The following GC variants were observed in gnomAD, a reference collection of about 807,000 sequenced individuals.
The protein encoded by GC is GC vitamin D binding protein.
A neutral mutation model predicts 56.7 loss-of-function variants in GC; 43 were observed. The ratio of observed to expected loss-of-function variants is 0.76; its 90% CI spans 0.59 to 0.98. GC has a LOEUF of 0.98. GC is among the 50% of genes least tolerant of loss of function. The probability of loss-of-function intolerance (pLI) is 0.00; values close to 1 mark genes in which losing one functional copy is unlikely to be tolerated. For synonymous variants in GC, 216 were observed against 202.7 expected (o/e 1.07, Z -0.56); for missense variants, 529 against 545.9 (o/e 0.97, Z 0.31).
At chr4:71,794,561 G>A (rs1433932973) in intron 1 of GC, among the ~76,000 whole-genome samples, 1 of 151,670 alleles carries the variant, frequency 6.6e-6, no homozygotes, top group Non-Finnish European at 1.5e-5. Flanking sequence ...TTCTTTATTA[G>A]TCTAGCTAGT....
In GC at chr4:71,744,357, G is replaced by A. The variant is rs1271355062; in HGVS notation, c.*25+1794C>T. Among the ~76,000 whole-genome samples the A allele has an allele frequency of 3.3e-5, 5 of 150,046 alleles. No homozygotes were observed. In the East Asian group the frequency reaches 9.8e-4, roughly 29 times the overall value. The stretch of plus-strand genomic sequence containing the variant: ...GCCTGTAGCCCCAGCTCCTCGGGAG[G>A]CTGAGGCAGGAGAATGGCGTGAACC... On this transcript the variant is annotated intron_variant, in intron 12 of 12. Coordinates refer to ENST00000273951, the MANE Select transcript of GC (RefSeq NM_000583.4).
At chr4:71,754,896 C>G in intron 9 of GC, 82 bp downstream of exon 9, 1 of 849,148 alleles carries the variant, frequency 1.2e-6, no homozygotes. Flanking sequence ...AAAAAGTAGG[C>G]AGTGAGCAAG....
Position 71,752,077 on chromosome 4 carries a change from C to T in GC, c.1395+441G>A, listed in dbSNP as rs567535944. Reference sequence around the variant, plus strand: ...TTATCAATCTACCTGCCTATATATGCATATGTATGTATCTACATAAACACA... The same window carrying T: ...TTATCAATCTACCTGCCTATATATGTATATGTATGTATCTACATAAACACA... On this transcript the variant is annotated intron_variant, in intron 11 of 12. Coordinates refer to ENST00000273951, the MANE Select transcript of GC (RefSeq NM_000583.4). Among the ~76,000 whole-genome samples the T allele has an allele frequency of 2.0e-5, 3 of 152,070 alleles. No homozygotes were observed. The East Asian group carries it at 5.8e-4, about 29-fold the overall frequency.
rs1158078512 is a variant in GC, at chr4:71,783,870, G to A, written c.58+91C>T. The A allele has an allele frequency of 2.6e-5, 25 of 970,286 alleles. No individual in the cohort carries two copies. The East Asian group carries it at 5.5e-4, about 21-fold the overall frequency. The allele number at this position is 970,286 out of a possible 1,614,324, so 60.1% of individuals were successfully genotyped here. A position where few individuals can be genotyped will look rare whatever the true frequency, so the allele number is the denominator to read the frequency against. On this transcript the variant is annotated intron_variant, in intron 1 of 12. Coordinates refer to ENST00000273951, the MANE Select transcript of GC (RefSeq NM_000583.4). Reference sequence around the variant, plus strand: ...CCCCAACATATTCACCAGTTCTTCTGTTTCTTACTTTTTATTTCATTTTTT... The same window carrying A: ...CCCCAACATATTCACCAGTTCTTCTATTTCTTACTTTTTATTTCATTTTTT...
At chr4:71,798,288 T>C (rs1357045309) in intron 1 of GC, among the ~76,000 whole-genome samples, 1 of 152,254 alleles carries the variant, frequency 6.6e-6, no homozygotes, top group Admixed American at 6.5e-5. Flanking sequence ...TTTAAATCTT[T>C]GTCTACTACA....
intron 12 of GC, among the ~76,000 whole-genome samples, chr4:71,742,915 G>A (rs28421841): frequency 0.066 from 10,026 of 152,132 alleles, 827 homozygotes; most frequent in East Asian, 0.26. Context: ...CGGAGCTTGC[G>A]GTGAGCCCAG....
chr4:71,775,697 A>C (rs1413737097), intron 1 of GC, among the ~76,000 whole-genome samples: 1 of 152,056 alleles, frequency 6.6e-6, no homozygotes, highest in Non-Finnish European at 1.5e-5. Context: ...CAAAAGAAAA[A>C]TTAACAAAGT....
intron 1 of GC, among the ~76,000 whole-genome samples, chr4:71,777,039 A>G (rs1415045798): frequency 1.3e-5 from 2 of 151,910 alleles, no homozygotes; most frequent in African/African-American, 4.8e-5. Flanking sequence ...GTATAGGAAA[A>G]TTTCTATTTC....
upstream of GC, chr4:71,804,188 G>A (rs951971935): frequency 3.6e-6 from 2 of 554,054 alleles, no homozygotes; most frequent in African/African-American, 3.8e-5. Context: ...TGTAAAAGCA[G>A]CTAGGAGATT....
intron 11 of GC, among the ~76,000 whole-genome samples, chr4:71,747,557 A>G (rs1279888088): frequency 6.6e-6 from 1 of 152,190 alleles, no homozygotes; most frequent in Non-Finnish European, 1.5e-5. Flanking sequence ...AAATCTGGTA[A>G]GAATTGAAAA....
Position 71,791,270 on chromosome 4 carries a change from G to C in GC, c.22-7216C>G, listed in dbSNP as rs1331247056. On this transcript the variant is annotated intron_variant, in intron 1 of 13. Coordinates refer to the GC transcript ENST00000504199. ...CTTTTCTTTCAAAGCTATTATTTTT[G>C]CTTAAAAGTTTTTTTGCACTATAAA... Among the ~76,000 whole-genome samples the C allele has an allele frequency of 7.9e-5, 12 of 151,678 alleles. No individual in the cohort carries two copies. The East Asian group carries it at 2.3e-3, about 29-fold the overall frequency.
intron 1 of GC, among the ~76,000 whole-genome samples, chr4:71,770,042 G>C (rs2236743): frequency 0.016 from 2,502 of 152,254 alleles, 104 homozygotes; most frequent in East Asian, 0.16. Context: ...TGAGTCTGGG[G>C]GATGGTGGGA....
At chr4:71,796,050 T>C (rs1743095170) in intron 1 of GC, among the ~76,000 whole-genome samples, 1 of 152,238 alleles carries the variant, frequency 6.6e-6, no homozygotes, top group African/African-American at 2.4e-5. Flanking sequence ...GGTTTTCCAT[T>C]TGTGGGTAAC....
At chr4:71,772,334 T>C (rs1386714963) in intron 1 of GC, among the ~76,000 whole-genome samples, 1 of 152,178 alleles carries the variant, frequency 6.6e-6, no homozygotes, top group East Asian at 1.9e-4. Context: ...TTTTTATTAG[T>C]ACTTCTCTTG....
At chr4:71,753,929 G>A (rs916762390) in intron 10 of GC, among the ~76,000 whole-genome samples, 1 of 152,150 alleles carries the variant, frequency 6.6e-6, no homozygotes, top group Admixed American at 6.5e-5. Context: ...TTTGACTCAA[G>A]TTCCTGCAGA....
Position 71,765,420 on chromosome 4 carries a change from GA to G in GC, c.473+11del. On this transcript the variant is annotated intron_variant, in intron 4 of 12. Coordinates refer to ENST00000273951, the MANE Select transcript of GC (RefSeq NM_000583.4). Reference sequence around the variant, plus strand: ...TAGGTCCTAAAGTTCTATTTATGATGAAGGCACTCACTGATTAGCATATTCC... The same window carrying G: ...TAGGTCCTAAAGTTCTATTTATGATGAGGCACTCACTGATTAGCATATTCC... 6.3e-7 allele frequency: 1 copy of G among 1,598,274 alleles called. No homozygotes were observed. Among genetic ancestry groups the G allele is most frequent in the Non-Finnish European group, 8.6e-7 (1 of 1,166,148 alleles).
intron 1 of GC, among the ~76,000 whole-genome samples, chr4:71,790,341 G>A (rs751031975): frequency 4.0e-5 from 6 of 151,876 alleles, no homozygotes; most frequent in Non-Finnish European, 7.4e-5. Context: ...ATGATTAAAT[G>A]GTACATCTTT....
In GC at chr4:71,764,202, G is replaced by A. The variant is rs111697584; in HGVS notation, c.474-266C>T. ...TCACTAATTGTCCCAGGTTGGTCTTGAACTCCTGGGCTCAAGTGATCCTCC... is the reference window on the plus strand; with the variant it reads ...TCACTAATTGTCCCAGGTTGGTCTTAAACTCCTGGGCTCAAGTGATCCTCC... On this transcript the variant is annotated intron_variant, in intron 4 of 12. Coordinates refer to ENST00000273951, the MANE Select transcript of GC (RefSeq NM_000583.4). 3.5e-3 allele frequency among the ~76,000 whole-genome samples: 527 copies of A among 152,064 alleles called. 3 individuals are homozygous for A. The highest frequency in any genetic ancestry group is 0.012 in the African/African-American group (510 of 41,462).
At chr4:71,799,272 C>T (rs1353541014) in intron 1 of GC, among the ~76,000 whole-genome samples, 1 of 152,200 alleles carries the variant, frequency 6.6e-6, no homozygotes, top group Non-Finnish European at 1.5e-5. Context: ...TCCCTTCTTG[C>T]CTCCCAGCTC....
Sources: gnomAD v4.1 joint callset for allele counts (sites outside exome capture counted in the v4.1 genomes callset) on GRCh38, gnomAD v4.1.1 for gene constraint, MANE v1.5 for transcripts, NCBI Gene and HGNC (gene_info 2026-07-23, HGNC 2026-07-21) for gene names.